The following GPC5 variants were observed in gnomAD, a reference collection of about 807,000 sequenced individuals.
The protein encoded by GPC5 is glypican-5.
GPC5 carries 47 observed loss-of-function variants against 53.9 expected under a neutral mutation model. The ratio of observed to expected loss-of-function variants is 0.87; its 90% CI spans 0.69 to 1.11. The LOEUF is 1.11. Ranked by LOEUF, GPC5 falls within the 50% of genes most tolerant of loss-of-function variation. The probability of loss-of-function intolerance (pLI) is 0.00; values close to 1 mark genes in which losing one functional copy is unlikely to be tolerated. For synonymous variants in GPC5, 286 were observed against 263.3 expected (o/e 1.09, Z -0.84); for missense variants, 748 against 713.1 (o/e 1.05, Z -0.56).
intron 7 of GPC5, among the ~76,000 whole-genome samples, chr13:92,655,182 G>T (rs1309508565): frequency 7.2e-5 from 11 of 152,108 alleles, no homozygotes; most frequent in Non-Finnish European, 1.5e-4. Context: ...CAAGTTTGTG[G>T]TAATTTGTTG....
chr13:91,971,595 G>A (rs1487821200), intron 6 of GPC5, among the ~76,000 whole-genome samples: 1 of 151,908 alleles, frequency 6.6e-6, no homozygotes, highest in African/African-American at 2.4e-5. Context: ...TTTCTCTTGT[G>A]GGCATTTAGT....
intron 7 of GPC5, among the ~76,000 whole-genome samples, chr13:92,704,903 A>ATATATGAG (rs1887898966): frequency 6.7e-6 from 1 of 149,932 alleles, no homozygotes; most frequent in African/African-American, 2.5e-5. Flanking sequence ...ATATGAGTAT[A>ATATATGAG]TATATATACA....
intron 7 of GPC5, among the ~76,000 whole-genome samples, chr13:92,412,549 T>C (rs889590143): frequency 2.0e-5 from 3 of 152,216 alleles, no homozygotes; most frequent in Non-Finnish European, 4.4e-5. Context: ...TTTTGTGACA[T>C]GTGATAATTA....
chr13:91,560,728 A>G (rs1449712285), intron 2 of GPC5, among the ~76,000 whole-genome samples: 1 of 151,926 alleles, frequency 6.6e-6, no homozygotes, highest in African/African-American at 2.4e-5. Flanking sequence ...CCCAGCAGCC[A>G]ACCCTATCAC....
At chr13:91,457,848 T>G (rs1881667343) in intron 2 of GPC5, among the ~76,000 whole-genome samples, 1 of 152,072 alleles carries the variant, frequency 6.6e-6, no homozygotes, top group African/African-American at 2.4e-5. Flanking sequence ...GGTCCATTCA[T>G]CCATCCAACA....
intron 7 of GPC5, among the ~76,000 whole-genome samples, chr13:92,762,920 T>C (rs1401672387): frequency 6.6e-6 from 1 of 152,076 alleles, no homozygotes; most frequent in Admixed American, 6.5e-5. Context: ...TTTTATTTCA[T>C]TCAATGAATT....
chr13:92,239,145 T>C (rs2042591074), intron 7 of GPC5, among the ~76,000 whole-genome samples: 2 of 142,972 alleles, frequency 1.4e-5, no homozygotes, highest in Non-Finnish European at 3.1e-5. Flanking sequence ...GATGTGTGAG[T>C]CTTTCAACTT....
At chr13:92,520,789 A>G (rs988171582) in intron 7 of GPC5, among the ~76,000 whole-genome samples, 4 of 151,936 alleles carry the variant, frequency 2.6e-5, no homozygotes, top group Non-Finnish European at 4.4e-5. Flanking sequence ...AGGCCAATCA[A>G]GCAGGACAAA....
chr13:92,489,876 GAAA>G (rs5805749), intron 7 of GPC5, among the ~76,000 whole-genome samples: 1 of 147,790 alleles, frequency 6.8e-6, no homozygotes. Context: ...ATTGCAAACA[GAAA>G]AAAAAAAAGT....
At chr13:91,915,057 C>T (rs2039645556) in intron 6 of GPC5, among the ~76,000 whole-genome samples, 1 of 152,140 alleles carries the variant, frequency 6.6e-6, no homozygotes, top group African/African-American at 2.4e-5. Context: ...TGCCACAACA[C>T]TCTGACTCCT....
intron 7 of GPC5, among the ~76,000 whole-genome samples, chr13:92,457,612 C>G (rs1878321445): frequency 6.6e-6 from 1 of 152,192 alleles, no homozygotes; most frequent in African/African-American, 2.4e-5. Flanking sequence ...TGAATTCCAA[C>G]TCTTCATCAT....
intron 7 of GPC5, among the ~76,000 whole-genome samples, chr13:92,706,478 T>C (rs1459712725): frequency 6.6e-6 from 1 of 152,052 alleles, no homozygotes; most frequent in Non-Finnish European, 1.5e-5. Flanking sequence ...TGTTGGAAAA[T>C]GAAGGTGAAA....
At chr13:92,805,667 G>C (rs1877070331) in intron 7 of GPC5, among the ~76,000 whole-genome samples, 1 of 151,784 alleles carries the variant, frequency 6.6e-6, no homozygotes, top group Non-Finnish European at 1.5e-5. Flanking sequence ...CAAACTCCTG[G>C]GTTCAAGTGA....
chr13:92,061,642 T>A (rs1016854693), intron 6 of GPC5, among the ~76,000 whole-genome samples: 14 of 152,168 alleles, frequency 9.2e-5, no homozygotes, highest in African/African-American at 3.4e-4. Context: ...AATTTACTCA[T>A]GGGCATGCAG....
At chr13:91,425,468 A>G (rs1213142400) in intron 1 of GPC5, among the ~76,000 whole-genome samples, 2 of 152,118 alleles carry the variant, frequency 1.3e-5, no homozygotes, top group Non-Finnish European at 2.9e-5. Flanking sequence ...TTCTCATGAT[A>G]GTGAGTGAAT....
chr13:92,849,855 A>G (rs117844884), intron 7 of GPC5, among the ~76,000 whole-genome samples: 1 of 152,224 alleles, frequency 6.6e-6, no homozygotes, highest in Non-Finnish European at 1.5e-5. Flanking sequence ...TTTAATCACA[A>G]TAGTCTTCAT....
chr13:91,752,479 G>A (rs1464869176), intron 4 of GPC5, among the ~76,000 whole-genome samples: 1 of 152,170 alleles, frequency 6.6e-6, no homozygotes, highest in Non-Finnish European at 1.5e-5. Flanking sequence ...ATACAATTTA[G>A]TACATAATAA....
chr13:92,328,621 C>A (rs1322130107), intron 7 of GPC5, among the ~76,000 whole-genome samples: 1 of 151,936 alleles, frequency 6.6e-6, no homozygotes, highest in East Asian at 1.9e-4. Context: ...CTTAAAGTAA[C>A]CCCGACTAGG....
chr13:91,988,042 A>G (rs1566380173), intron 6 of GPC5, among the ~76,000 whole-genome samples: 1 of 147,050 alleles, frequency 6.8e-6, no homozygotes, highest in African/African-American at 2.5e-5. Flanking sequence ...TTTATATATA[A>G]ATATATATAT....
Sources: allele counts gnomAD v4.1 joint callset (sites outside exome capture counted in the v4.1 genomes callset), GRCh38; gene constraint gnomAD v4.1.1; transcripts MANE v1.5; gene names NCBI Gene and HGNC (gene_info 2026-07-23, HGNC 2026-07-21).